The following SPTBN1 variants were observed in gnomAD, a reference collection of about 807,000 sequenced individuals.
The protein encoded by SPTBN1 is spectrin beta, non-erythrocytic 1.
SPTBN1 carries 32 observed loss-of-function variants against 266.4 expected under a neutral mutation model. That is an observed-to-expected ratio of 0.12 (90% CI 0.09 to 0.16). The LOEUF (loss-of-function observed/expected upper bound fraction) is 0.16. SPTBN1 is among the 10% of genes least tolerant of loss of function. SPTBN1 has a pLI of 1.00. For synonymous variants in SPTBN1, 1,336 were observed against 1,162.2 expected, an observed-to-expected ratio of 1.15 and a Z score of -3.04; for missense variants, 2,296 against 3,067.1, an observed-to-expected ratio of 0.75 and a Z score of 5.94.
At chr2:54,545,979 G>A (rs1174000134) in intron 2 of SPTBN1, among the ~76,000 whole-genome samples, 8 of 152,130 alleles carry the variant, frequency 5.3e-5, no homozygotes. Context: ...AATGCCCTGT[G>A]ACTCTGACTC....
chr2:54,472,667 T>C (rs902744164), intron 1 of SPTBN1, among the ~76,000 whole-genome samples: 3 of 151,904 alleles, frequency 2.0e-5, no homozygotes, highest in African/African-American at 7.3e-5. Context: ...AGCCTGATGG[T>C]GATGTGATCA....
chr2:54,457,697 C>G (rs946698412), intron 1 of SPTBN1, among the ~76,000 whole-genome samples: 2 of 152,318 alleles, frequency 1.3e-5, no homozygotes, highest in African/African-American at 2.4e-5. Flanking sequence ...CGGCCCCCGC[C>G]CGGCCCCACC....
At chr2:54,598,982 G>A (rs1388928977) in intron 2 of SPTBN1, 110 bp from the exon 3 acceptor site, 1 of 1,221,560 alleles carries the variant, frequency 8.2e-7, no homozygotes, top group Non-Finnish European at 1.2e-6. Context: ...TGTCCTTGGA[G>A]GTCAGTTTTG....
Position 54,558,822 on chromosome 2 carries a change from C to G in SPTBN1, c.148+32256C>G, listed in dbSNP as rs753586812. On this transcript the variant is annotated intron_variant, in intron 2 of 35. Transcript: ENST00000356805. This position sits in a 1 kb window ranked among gnomAD's most constrained non-coding sequence, Gnocchi z 4.6. ...TCTAGTATCTCCGGGCCGCTGTCGC[C>G]GGCGTACACGGGGCAGGTGCCTTAC... is the stretch of plus-strand genomic sequence containing the variant. 1.9e-6 allele frequency: 3 copies of G among 1,613,804 alleles called. No homozygotes were observed. In the South Asian group the frequency reaches 3.3e-5, roughly 18 times the overall value.
chr2:54,625,557 G>A (rs1212902161), intron 11 of SPTBN1, among the ~76,000 whole-genome samples: 2 of 151,402 alleles, frequency 1.3e-5, no homozygotes, highest in Admixed American at 1.3e-4. Context: ...TTTTTTGGAG[G>A]GGGGGTGGCG....
At chr2:54,586,567 A>G (rs1263399476) in intron 2 of SPTBN1, among the ~76,000 whole-genome samples, 4 of 152,150 alleles carry the variant, frequency 2.6e-5, no homozygotes, top group African/African-American at 9.7e-5. Context: ...ATCTTAGCTT[A>G]TCTTAGATGG....
chr2:54,646,100 G>A lies in SPTBN1; in HGVS notation c.4584+83G>A. 1 of 1,606,508 alleles carries A rather than the reference G, an allele frequency of 6.2e-7. No individual in the cohort carries two copies. The highest frequency in any genetic ancestry group is 8.5e-7 in the Non-Finnish European group (1 of 1,175,456). The stretch of plus-strand genomic sequence containing the variant: ...ACTGGGAATGGCAGAGAGCTTTGAA[G>A]CCTTGCTATTTCTTTCTGGCCCTAA... On this transcript the variant is annotated intron_variant, in intron 22 of 35. Coordinates refer to ENST00000356805, the MANE Select transcript of SPTBN1 (RefSeq NM_003128.3). The surrounding 1 kb of genome is among the most constrained non-coding windows in gnomAD (Gnocchi z 4.4).
At chr2:54,513,964 AC>A (rs1172878514) in intron 1 of SPTBN1, among the ~76,000 whole-genome samples, 7 of 152,264 alleles carry the variant, frequency 4.6e-5, no homozygotes, top group Non-Finnish European at 1.0e-4. Flanking sequence ...ATTAGGACTT[AC>A]AAAATTATAT....
rs543725776 is a variant in SPTBN1, at chr2:54,625,565, G to C, written c.1342-367G>C. Among the ~76,000 whole-genome samples, 5 of 151,864 alleles carry C rather than the reference G, an allele frequency of 3.3e-5. No homozygotes were observed. In the South Asian group the frequency reaches 1.0e-3, roughly 32 times the overall value. On this transcript the variant is annotated intron_variant, in intron 11 of 35. Coordinates refer to ENST00000356805, the MANE Select transcript of SPTBN1 (RefSeq NM_003128.3). Reference sequence around the variant, plus strand: ...TTTTTCCTTTTTTGGAGGGGGGGTGGCGCGGGAAATAGGTTTTTTGGTTTT... The same window carrying C: ...TTTTTCCTTTTTTGGAGGGGGGGTGCCGCGGGAAATAGGTTTTTTGGTTTT...
chr2:54,506,860 A>G (rs1669588440), intron 1 of SPTBN1, among the ~76,000 whole-genome samples: 1 of 151,134 alleles, frequency 6.6e-6, no homozygotes, highest in Non-Finnish European at 1.5e-5. Context: ...GTCTCTCCAG[A>G]GAAAGTAAAG....
At chr2:54,632,877 A>ACCCATATTCTGCCCACTG in intron 17 of SPTBN1, 109 bp downstream of exon 17, 2 of 1,181,958 alleles carry the variant, frequency 1.7e-6, no homozygotes, top group Non-Finnish European at 1.2e-6. Flanking sequence ...CCCAGTGGGC[A>ACCCATATTCTGCCCACTG]GAATATGGGT....
At chr2:54,660,127 T>C in intron 32 of SPTBN1, 128 bp downstream of exon 32, 1 of 1,583,104 alleles carries the variant, frequency 6.3e-7, no homozygotes. Flanking sequence ...TTCCAAATCC[T>C]CTGGGTTTTG....
intron 2 of SPTBN1, among the ~76,000 whole-genome samples, chr2:54,582,547 G>C (rs1675005650): frequency 3.4e-5 from 5 of 146,942 alleles, no homozygotes; most frequent in Admixed American, 3.4e-4. Context: ...CTGGGTGACA[G>C]AGCAAGACTC....
intron 1 of SPTBN1, among the ~76,000 whole-genome samples, chr2:54,497,352 GAATTAGTTTTT>G (rs1169147159): frequency 1.1e-4 from 17 of 152,116 alleles, no homozygotes; most frequent in African/African-American, 3.4e-4. Context: ...CAAAAACCAT[GAATTAGTTTTT>G]TGGTTTTTTT....
chr2:54,629,117 G>T lies in SPTBN1; in HGVS notation c.1983G>T (p.Leu661=). The change falls in exon 14 of 36, where the codon CTG becomes CTT. Residue 661 remains leucine, a synonymous_variant. Coordinates refer to ENST00000356805, the MANE Select transcript of SPTBN1 (RefSeq NM_003128.3). ...EGWIREKEKI[L]SSDDYGKDLT... ...GGATACGGGAGAAGGAGAAGATCCT[G>T]TCCTCGGACGATTACGGGAAAGACC... The T allele has an allele frequency of 6.2e-7, 1 of 1,613,650 alleles. No homozygotes were observed. Among genetic ancestry groups the T allele is most frequent in the Non-Finnish European group, 8.5e-7 (1 of 1,179,904 alleles).
intron 2 of SPTBN1, among the ~76,000 whole-genome samples, chr2:54,580,208 A>C (rs1674793681): frequency 1.3e-5 from 2 of 152,254 alleles, no homozygotes; most frequent in South Asian, 4.1e-4. Context: ...TTTAAAGTAA[A>C]ACCCCTTTTG....
intron 1 of SPTBN1, among the ~76,000 whole-genome samples, chr2:54,477,442 A>G (rs1013284056): frequency 2.0e-5 from 3 of 151,818 alleles, no homozygotes; most frequent in African/African-American, 7.3e-5. Context: ...TTCTATTAGA[A>G]ATCATGTTAA....
chr2:54,643,263 C>A, intron 19 of SPTBN1, 134 bp downstream of exon 19: 1 of 1,323,394 alleles, frequency 7.6e-7, no homozygotes, highest in Non-Finnish European at 1.0e-6. Flanking sequence ...CCAGTAATAG[C>A]TCCCTTTGCA....
chr2:54,470,613 T>A (rs1024828260), intron 1 of SPTBN1, among the ~76,000 whole-genome samples: 1 of 152,212 alleles, frequency 6.6e-6, no homozygotes, highest in Non-Finnish European at 1.5e-5. Context: ...GAGGGCTTTT[T>A]TCGTTTTTGC....
Sources: allele counts gnomAD v4.1 joint callset (sites outside exome capture counted in the v4.1 genomes callset), GRCh38; gene constraint gnomAD v4.1.1; non-coding constraint Gnocchi (gnomAD v3.1); transcripts MANE v1.5; gene names NCBI Gene and HGNC (gene_info 2026-07-23, HGNC 2026-07-21).